DLGAP4: variants seen among roughly 807,000 people sequenced by gnomAD.
The protein encoded by DLGAP4 is disks large-associated protein 4.
Under a neutral mutation model 86.9 loss-of-function variants are expected in DLGAP4, and 18 were observed. The ratio of observed to expected loss-of-function variants is 0.21; its 90% CI spans 0.14 to 0.31. The LOEUF (loss-of-function observed/expected upper bound fraction) is 0.31. Ranked by LOEUF, DLGAP4 falls within the 10% of genes least tolerant of loss-of-function variation. The probability of loss-of-function intolerance (pLI) is 1.00; values close to 1 mark genes in which losing one functional copy is unlikely to be tolerated. For missense variants in DLGAP4, 1,085 were observed against 1,362.6 expected, an observed-to-expected ratio of 0.80 and a Z score of 3.21; for synonymous variants, 548 against 574.3, an observed-to-expected ratio of 0.95 and a Z score of 0.65.
chr20:36,456,794 G>C (rs866236919), intron 7 of DLGAP4, among the ~76,000 whole-genome samples: 1 of 152,232 alleles, frequency 6.6e-6, no homozygotes, highest in East Asian at 1.9e-4. Context: ...CCAATCCCAG[G>C]ATTGAGACTC....
At chr20:36,480,429 G>A (rs6013475) in intron 7 of DLGAP4, among the ~76,000 whole-genome samples, 83 of 152,328 alleles carry the variant, frequency 5.4e-4, no homozygotes, top group African/African-American at 1.9e-3. Flanking sequence ...GGGTAAAAAA[G>A]ACCAGTGGCT....
At chr20:36,503,597 C>G (rs761934368) in intron 10 of DLGAP4, among the ~76,000 whole-genome samples, 4 of 148,328 alleles carry the variant, frequency 2.7e-5, no homozygotes, top group Non-Finnish European at 5.9e-5. Context: ...ACGCCATTCT[C>G]CTGCCTCAGC....
chr20:36,318,631 C>A (rs2147341738), intron 1 of DLGAP4, among the ~76,000 whole-genome samples: 1 of 152,302 alleles, frequency 6.6e-6, no homozygotes, highest in South Asian at 2.1e-4. Flanking sequence ...ACCTCAACCT[C>A]TCAAAGTGCT....
chr20:36,373,054 G>A (rs1292118341), intron 2 of DLGAP4, among the ~76,000 whole-genome samples: 1 of 152,122 alleles, frequency 6.6e-6, no homozygotes, highest in Non-Finnish European at 1.5e-5. Flanking sequence ...TGCCTAGGGA[G>A]ATGCTCAGAA....
chr20:36,408,515 A>G (rs2032393043), intron 2 of DLGAP4, among the ~76,000 whole-genome samples: 1 of 152,200 alleles, frequency 6.6e-6, no homozygotes, highest in Non-Finnish European at 1.5e-5. Flanking sequence ...GGCAGTCACA[A>G]GCATTTGCAG....
rs1600521084 is a variant in DLGAP4, at chr20:36,432,275, G to A, written c.558G>A (p.Glu186=). Residue 186 remains glutamate, a synonymous_variant, in exon 3 of 13, where the codon GAG becomes GAA. Transcript: ENST00000339266. This position sits in a 1 kb window ranked among gnomAD's most constrained non-coding sequence, Gnocchi z 6.5. ...DGKGRRAKSK[E]RAKAGEPKRR... ...AGGGCCGGAGGGCCAAAAGCAAGGAGCGGGCCAAGGCTGGGGAGCCCAAAC... is the reference window on the plus strand; with the variant it reads ...AGGGCCGGAGGGCCAAAAGCAAGGAACGGGCCAAGGCTGGGGAGCCCAAAC... 1 of 1,613,640 alleles carries A rather than the reference G, an allele frequency of 6.2e-7. No individual in the cohort carries two copies. Among genetic ancestry groups the A allele is most frequent in the African/African-American group, 1.3e-5 (1 of 74,954 alleles).
Position 36,526,772 on chromosome 20 carries a change from CTTTAT to C in DLGAP4, c.2761-32_2761-28del, listed in dbSNP as rs745820436. 1.1e-5 allele frequency: 17 copies of C among 1,524,280 alleles called. 1 individual carries two copies. Among genetic ancestry groups the C allele is most frequent in the South Asian group, 8.5e-5 (7 of 82,660 alleles). 94.4% of individuals were successfully genotyped at this position (1,524,280 alleles called of 1,614,324 possible). A position where few individuals can be genotyped will look rare whatever the true frequency, so the allele number is the denominator to read the frequency against. ...GGTAGTGCCACACAAAACGTGGCAC[CTTTAT>C]TTTATTTTTGTTCTCTCCTCACTGT... On this transcript the variant is annotated intron_variant, in intron 12 of 12. Coordinates refer to ENST00000339266, the MANE Select transcript of DLGAP4 (RefSeq NM_001365621.2).
chr20:36,385,232 T>C (rs1432924091), intron 2 of DLGAP4, among the ~76,000 whole-genome samples: 3 of 152,144 alleles, frequency 2.0e-5, no homozygotes, highest in Admixed American at 6.5e-5. Flanking sequence ...AGACCCAAGA[T>C]TCAAATCCTG....
intron 2 of DLGAP4, among the ~76,000 whole-genome samples, chr20:36,380,593 A>AAGAGAGAGAGAG (rs57814145): frequency 2.1e-5 from 2 of 97,092 alleles, no homozygotes; most frequent in Non-Finnish European, 4.2e-5. Context: ...GTCTGCATTA[A>AAGAGAGAGAGAG]AGAGAGAGAG....
At chr20:36,354,845 G>C (rs2030273352) in intron 1 of DLGAP4, among the ~76,000 whole-genome samples, 1 of 151,910 alleles carries the variant, frequency 6.6e-6, no homozygotes, top group South Asian at 2.1e-4. Context: ...AGGAGGCTGA[G>C]GTGAGAGGAC....
chr20:36,521,695 G>C (rs1212743958), intron 10 of DLGAP4, among the ~76,000 whole-genome samples: 2 of 152,178 alleles, frequency 1.3e-5, no homozygotes, highest in East Asian at 1.9e-4. Flanking sequence ...TTGTTTCTAT[G>C]ATGGCCTGAT....
intron 2 of DLGAP4, among the ~76,000 whole-genome samples, chr20:36,430,387 G>A (rs1181971992): frequency 6.6e-6 from 1 of 152,162 alleles, no homozygotes; most frequent in Non-Finnish European, 1.5e-5. Flanking sequence ...GTCATACTTG[G>A]TAGACATTCG....
chr20:36,340,828 C>T (rs1015471577), intron 1 of DLGAP4, among the ~76,000 whole-genome samples: 3 of 152,294 alleles, frequency 2.0e-5, no homozygotes, highest in East Asian at 3.9e-4. Flanking sequence ...TGCGATCCAG[C>T]GGGTGGAGGG....
intron 2 of DLGAP4, among the ~76,000 whole-genome samples, chr20:36,396,654 A>T (rs1203378683): frequency 4.6e-5 from 6 of 130,064 alleles, no homozygotes; most frequent in African/African-American, 1.8e-4. Context: ...ACACACACAC[A>T]CACCACACAC....
At chr20:36,320,813 C>G (rs1176335778) in intron 1 of DLGAP4, among the ~76,000 whole-genome samples, 1 of 152,204 alleles carries the variant, frequency 6.6e-6, no homozygotes, top group Non-Finnish European at 1.5e-5. Context: ...TGCACCCTCT[C>G]TGCCGCCTAA....
At chr20:36,435,884 C>T (rs1388919160) in intron 3 of DLGAP4, among the ~76,000 whole-genome samples, 1 of 152,158 alleles carries the variant, frequency 6.6e-6, no homozygotes, top group African/African-American at 2.4e-5. Flanking sequence ...GCAAACCCAG[C>T]CTGGGATCCA....
chr20:36,341,981 T>C (rs2065387960), intron 1 of DLGAP4, among the ~76,000 whole-genome samples: 1 of 151,902 alleles, frequency 6.6e-6, no homozygotes, highest in Admixed American at 6.6e-5. Flanking sequence ...GATTGAAGAG[T>C]GGGAACAGCA....
At chr20:36,424,641 G>A (rs926037252) in intron 2 of DLGAP4, among the ~76,000 whole-genome samples, 1 of 152,106 alleles carries the variant, frequency 6.6e-6, no homozygotes, top group African/African-American at 2.4e-5. Context: ...TCCATCTCCA[G>A]AGCCGTTCTC....
chr20:36,512,410 G>A (rs918282240), intron 10 of DLGAP4, among the ~76,000 whole-genome samples: 2 of 152,128 alleles, frequency 1.3e-5, no homozygotes, highest in African/African-American at 4.8e-5. Flanking sequence ...CTTCAGGACA[G>A]TGTGGAATAA....
Sources: gnomAD v4.1 joint callset for allele counts (sites outside exome capture counted in the v4.1 genomes callset) on GRCh38, gnomAD v4.1.1 for gene constraint, Gnocchi (gnomAD v3.1) non-coding constraint, MANE v1.5 for transcripts, NCBI Gene and HGNC (gene_info 2026-07-23, HGNC 2026-07-21) for gene names.